Variants in NCEH1 observed in about 807,000 individuals in gnomAD.
The protein encoded by NCEH1 is 2-acetyl MAGE hydrolase.
Under a neutral mutation model 25.4 loss-of-function variants are expected in NCEH1, and 9 were observed. That is an observed-to-expected ratio of 0.35 (90% CI 0.21 to 0.62). The LOEUF (loss-of-function observed/expected upper bound fraction) is 0.62, where lower values mean the gene tolerates loss of function less well. Among genes scored for constraint, NCEH1 ranks in the 20% least tolerant of loss-of-function variants. The pLI is 0.72. For synonymous variants in NCEH1, 200 were observed against 199.8 expected (o/e 1.00, Z -0.01); for missense variants, 412 against 501.1 (o/e 0.82, Z 1.70).
At chr3:172,699,392 G>C (rs1320907178) in intron 1 of NCEH1, among the ~76,000 whole-genome samples, 1 of 152,188 alleles carries the variant, frequency 6.6e-6, no homozygotes, top group Non-Finnish European at 1.5e-5. Flanking sequence ...CAGGGGATAG[G>C]AAGTGCGGGT....
At chr3:172,654,286 C>G (rs1269658248) in intron 1 of NCEH1, among the ~76,000 whole-genome samples, 1 of 152,172 alleles carries the variant, frequency 6.6e-6, no homozygotes, top group Non-Finnish European at 1.5e-5. Context: ...AATCTCCCAT[C>G]CACAAAATGG....
rs66551744 is a variant in NCEH1, at chr3:172,642,603, C to CAAAAAAAAAAAAAAAAA, written c.437+3003_437+3019dup. On this transcript the variant is annotated intron_variant, in intron 3 of 4. Transcript: ENST00000475381. The stretch of plus-strand genomic sequence containing the variant: ...AAGGATTACTATCTTGCTATTTCTA[C>CAAAAAAAAAAAAAAAAA]AAAAAAAAAAAAAAAAAAAAAGAAA... Among the ~76,000 whole-genome samples, 58 of 83,744 alleles carry CAAAAAAAAAAAAAAAAA rather than the reference C, an allele frequency of 6.9e-4. 1 individual carries two copies. Among genetic ancestry groups the CAAAAAAAAAAAAAAAAA allele is most frequent in the Non-Finnish European group, 1.1e-3 (47 of 43,244 alleles). 54.9% of individuals were successfully genotyped at this position (83,744 alleles called of 152,430 possible). A position where few individuals can be genotyped will look rare whatever the true frequency, so the allele number is the denominator to read the frequency against.
At chr3:172,658,840 C>CTTTTTTT (rs33955977) in intron 1 of NCEH1, among the ~76,000 whole-genome samples, 1 of 74,200 alleles carries the variant, frequency 1.3e-5, no homozygotes, top group Non-Finnish European at 2.4e-5. Flanking sequence ...AATTCCAAAA[C>CTTTTTTT]TTTTTTTTTT....
In NCEH1 at chr3:172,696,799, CTCTT is replaced by C. The variant is rs372796262; in HGVS notation, c.138+14044_138+14047del. On this transcript the variant is annotated intron_variant, in intron 1 of 4. Coordinates refer to ENST00000475381, the MANE Select transcript of NCEH1 (RefSeq NM_020792.6). ...TTAAATTTGGGATTCATTGTACACT[CTCTT>C]TAAGATTCAAAATACATATTAGCAG... Among the ~76,000 whole-genome samples the C allele has an allele frequency of 1.8e-3, 281 of 152,290 alleles. 1 individual carries two copies. Among genetic ancestry groups the C allele is most frequent in the African/African-American group, 6.5e-3 (272 of 41,548 alleles).
intron 1 of NCEH1, among the ~76,000 whole-genome samples, chr3:172,701,616 GTTTT>G (rs60219751): frequency 0.036 from 3,956 of 110,744 alleles, 166 homozygotes; most frequent in African/African-American, 0.12. Flanking sequence ...TGCCCAGCTA[GTTTT>G]TTTTTTTTTT....
At chr3:172,678,815 A>G (rs1238871051) in intron 1 of NCEH1, among the ~76,000 whole-genome samples, 2 of 152,174 alleles carry the variant, frequency 1.3e-5, no homozygotes, top group African/African-American at 4.8e-5. Flanking sequence ...ACTGTACCAA[A>G]CAGGTCATTT....
At chr3:172,661,735 C>T (rs1287955091) in intron 1 of NCEH1, among the ~76,000 whole-genome samples, 1 of 152,076 alleles carries the variant, frequency 6.6e-6, no homozygotes, top group Non-Finnish European at 1.5e-5. Context: ...TTTGAAGCAA[C>T]TGTGAATGGG....
chr3:172,698,085 T>C (rs574908267), intron 1 of NCEH1, among the ~76,000 whole-genome samples: 1 of 150,134 alleles, frequency 6.7e-6, no homozygotes, highest in South Asian at 2.1e-4. Flanking sequence ...CAAGCGACTC[T>C]CCTGCCTCAG....
chr3:172,688,273 T>C (rs1416626704), intron 1 of NCEH1, among the ~76,000 whole-genome samples: 1 of 132,508 alleles, frequency 7.5e-6, no homozygotes, highest in African/African-American at 3.0e-5. Context: ...GAGGTTGCAG[T>C]GAGCCGAGAT....
chr3:172,692,693 T>G (rs1407705737), intron 1 of NCEH1, among the ~76,000 whole-genome samples: 1 of 152,074 alleles, frequency 6.6e-6, no homozygotes, highest in Non-Finnish European at 1.5e-5. Context: ...TAGTTTCAAG[T>G]TTATTTCATC....
At chr3:172,694,225 A>C (rs1466896130) in intron 1 of NCEH1, among the ~76,000 whole-genome samples, 1 of 152,234 alleles carries the variant, frequency 6.6e-6, no homozygotes, top group Non-Finnish European at 1.5e-5. Context: ...ATTTAATCTA[A>C]AATGGACTAA....
At chr3:172,658,601 T>C (rs572396958) in intron 1 of NCEH1, among the ~76,000 whole-genome samples, 6 of 152,286 alleles carry the variant, frequency 3.9e-5, no homozygotes, top group East Asian at 1.9e-4. Flanking sequence ...AATTTCCAAT[T>C]GTTTCCTCAA....
intron 3 of NCEH1, among the ~76,000 whole-genome samples, chr3:172,641,040 GTTTC>G (rs1450778491): frequency 6.6e-6 from 1 of 151,996 alleles, no homozygotes; most frequent in Non-Finnish European, 1.5e-5. Flanking sequence ...ATGGATGACT[GTTTC>G]TCCAAAACTG....
intron 3 of NCEH1, among the ~76,000 whole-genome samples, chr3:172,636,475 C>T (rs1181571291): frequency 6.6e-6 from 1 of 152,142 alleles, no homozygotes; most frequent in East Asian, 1.9e-4. Flanking sequence ...ATTCATAATG[C>T]CTCTGGGTTA....
At chr3:172,648,885 A>G (rs1175734772) in intron 1 of NCEH1, among the ~76,000 whole-genome samples, 1 of 152,140 alleles carries the variant, frequency 6.6e-6, no homozygotes, top group African/African-American at 2.4e-5. Flanking sequence ...TAATTTACCC[A>G]CCAAGCAAAG....
At chr3:172,663,032 T>C (rs1284911913) in intron 1 of NCEH1, among the ~76,000 whole-genome samples, 1 of 152,234 alleles carries the variant, frequency 6.6e-6, no homozygotes, top group Non-Finnish European at 1.5e-5. Context: ...CTTGCTTCTC[T>C]AGTTCTTTTA....
intron 3 of NCEH1, among the ~76,000 whole-genome samples, chr3:172,639,593 A>T (rs557715055): frequency 1.3e-5 from 2 of 152,286 alleles, no homozygotes; most frequent in South Asian, 4.1e-4. Flanking sequence ...AAAACTGCAG[A>T]TCTTAAAGCA....
chr3:172,704,065 G>A (rs1380106328), intron 1 of NCEH1, among the ~76,000 whole-genome samples: 1 of 150,614 alleles, frequency 6.6e-6, no homozygotes, highest in Non-Finnish European at 1.5e-5. Context: ...CCTGACAATA[G>A]TAAATATTCC....
At position 172,630,694 on chromosome 3, in the gene NCEH1, AATAG is replaced by A. The variant is rs796282017; in HGVS notation, c.*2777_*2780del. 3.3e-4 allele frequency: 50 copies of A among 152,364 alleles called. No homozygotes were observed. Among genetic ancestry groups the A allele is most frequent in the African/African-American group, 1.2e-3 (49 of 41,586 alleles). 9.4% of individuals were successfully genotyped at this position (152,364 alleles called of 1,614,324 possible). A position where few individuals can be genotyped will look rare whatever the true frequency, so the allele number is the denominator to read the frequency against. ...AATTTTATTTCCAAACATGATTCAGAATAGATAGATGCTTTGCTACCTCCACACT... is the reference window on the plus strand; with the variant it reads ...AATTTTATTTCCAAACATGATTCAGAATAGATGCTTTGCTACCTCCACACT... On this transcript the variant is annotated 3_prime_UTR_variant, in exon 5 of 5. Coordinates refer to ENST00000475381, the MANE Select transcript of NCEH1 (RefSeq NM_020792.6).
Sources: allele counts gnomAD v4.1 joint callset (sites outside exome capture counted in the v4.1 genomes callset), GRCh38; gene constraint gnomAD v4.1.1; transcripts MANE v1.5; gene names NCBI Gene and HGNC (gene_info 2026-07-23, HGNC 2026-07-21).